AGBL1: variants seen among roughly 807,000 people sequenced by gnomAD.
AGBL1 encodes the protein cytosolic carboxypeptidase 4.
Under a neutral mutation model 118.9 loss-of-function variants are expected in AGBL1, and 130 were observed. That is an observed-to-expected ratio of 1.09 (90% CI 0.95 to 1.26). The LOEUF is 1.26. Among genes scored for constraint, AGBL1 ranks in the 50% most tolerant of loss-of-function variants. AGBL1 has a pLI of 0.00. For missense variants in AGBL1, 1,584 were observed against 1,298.1 expected, an observed-to-expected ratio of 1.22 and a Z score of -3.38; for synonymous variants, 555 against 478.9, an observed-to-expected ratio of 1.16 and a Z score of -2.08.
At chr15:86,988,124 G>A (rs754093327) in intron 24 of AGBL1, 74 of 1,603,476 alleles carry the variant, frequency 4.6e-5, no homozygotes, top group Non-Finnish European at 6.1e-5. Flanking sequence ...ACATTGCTTG[G>A]GGCGGGGATT....
chr15:86,794,876 T>C lies in AGBL1; in HGVS notation c.3159-112211T>C, dbSNP rs1169838461. Among the ~76,000 whole-genome samples the C allele has an allele frequency of 2.6e-5, 4 of 152,356 alleles. No individual in the cohort carries two copies. In the South Asian group the frequency reaches 8.3e-4, roughly 32 times the overall value. On this transcript the variant is annotated intron_variant, in intron 22 of 22. Transcript: ENST00000614907. ...GGAACTGCTAGTTTTATATTTTTTC[T>C]AGTTATGTTGAGAAAGTCCCAAAGT...
At chr15:86,283,637 C>A (rs997803727) in intron 16 of AGBL1, among the ~76,000 whole-genome samples, 6 of 152,152 alleles carry the variant, frequency 3.9e-5, no homozygotes, top group African/African-American at 1.4e-4. Flanking sequence ...TGTTGACTTA[C>A]ATGTGGCATA....
intron 17 of AGBL1, among the ~76,000 whole-genome samples, chr15:86,351,995 T>G (rs2141902407): frequency 6.6e-6 from 1 of 152,318 alleles, no homozygotes; most frequent in Middle Eastern, 3.4e-3. Flanking sequence ...TTCTACCTCC[T>G]TCCTGTGAGA....
chr15:86,954,964 A>T (rs2080915373), intron 23 of AGBL1, among the ~76,000 whole-genome samples: 1 of 152,156 alleles, frequency 6.6e-6, no homozygotes, highest in South Asian at 2.1e-4. Flanking sequence ...TTACTTATAT[A>T]TCTTTAACTT....
At chr15:86,647,686 GCAA>G (rs1237804790) in intron 21 of AGBL1, among the ~76,000 whole-genome samples, 39 of 152,258 alleles carry the variant, frequency 2.6e-4, no homozygotes, top group African/African-American at 9.1e-4. Flanking sequence ...GGGTGACAGA[GCAA>G]GACTCTGTCT....
chr15:86,236,791 G>T (rs925983176), intron 6 of AGBL1, among the ~76,000 whole-genome samples: 15 of 151,984 alleles, frequency 9.9e-5, no homozygotes, highest in Non-Finnish European at 2.1e-4. Context: ...GGGGGTATCT[G>T]ATTTGCATAG....
intron 23 of AGBL1, among the ~76,000 whole-genome samples, chr15:86,922,397 TCTC>T (rs1281596400): frequency 6.6e-6 from 1 of 152,184 alleles, no homozygotes; most frequent in East Asian, 1.9e-4. Context: ...TTCAAGAAAT[TCTC>T]CTCTCTCAGC....
chr15:86,885,819 T>C (rs993610945), intron 22 of AGBL1, among the ~76,000 whole-genome samples: 2 of 152,190 alleles, frequency 1.3e-5, no homozygotes, highest in African/African-American at 4.8e-5. Flanking sequence ...CAACTGAGAC[T>C]GAAATTCATT....
intron 22 of AGBL1, among the ~76,000 whole-genome samples, chr15:86,686,266 G>T (rs2086054655): frequency 6.6e-6 from 1 of 152,042 alleles, no homozygotes; most frequent in Non-Finnish European, 1.5e-5. Flanking sequence ...TATCAGTGAA[G>T]TGCTGAGGAC....
intron 19 of AGBL1, among the ~76,000 whole-genome samples, chr15:86,533,200 A>C (rs1484882552): frequency 3.2e-5 from 2 of 62,064 alleles, no homozygotes; most frequent in Admixed American, 2.4e-4. Flanking sequence ...GAAAATTTTC[A>C]CAACCTACTC....
At chr15:86,697,378 A>C (rs895573079) in intron 22 of AGBL1, among the ~76,000 whole-genome samples, 2 of 151,494 alleles carry the variant, frequency 1.3e-5, no homozygotes, top group African/African-American at 4.8e-5. Flanking sequence ...TGCTTGTTCG[A>C]TTCTATTGCT....
At chr15:86,858,510 G>T (rs1461689430) in intron 22 of AGBL1, among the ~76,000 whole-genome samples, 3 of 151,134 alleles carry the variant, frequency 2.0e-5, no homozygotes, top group Non-Finnish European at 4.4e-5. Flanking sequence ...GGGAGCAGGA[G>T]ACTGGTAACT....
chr15:86,587,553 G>A (rs1488891366), intron 21 of AGBL1, among the ~76,000 whole-genome samples: 1 of 152,180 alleles, frequency 6.6e-6, no homozygotes, highest in African/African-American at 2.4e-5. Flanking sequence ...GTTCGTGGAA[G>A]AAGGAGCAGT....
At chr15:86,818,314 G>C (rs1259734733) in intron 22 of AGBL1, among the ~76,000 whole-genome samples, 5 of 152,204 alleles carry the variant, frequency 3.3e-5, no homozygotes, top group Non-Finnish European at 7.3e-5. Flanking sequence ...GAGGTGAGCA[G>C]TGGGCCAGTG....
chr15:86,667,242 G>C (rs148072279), intron 21 of AGBL1, among the ~76,000 whole-genome samples: 3,017 of 112,972 alleles, frequency 0.027, 55 homozygotes, highest in East Asian at 0.11. Context: ...ATGTATGTAT[G>C]TATGTATGTA....
intron 22 of AGBL1, among the ~76,000 whole-genome samples, chr15:86,855,109 T>C (rs1221393101): frequency 6.6e-6 from 1 of 152,230 alleles, no homozygotes; most frequent in Non-Finnish European, 1.5e-5. Flanking sequence ...CTGTTGTTAC[T>C]GCATCATTTT....
At chr15:86,800,168 G>A (rs1245515421) in intron 22 of AGBL1, among the ~76,000 whole-genome samples, 1 of 151,910 alleles carries the variant, frequency 6.6e-6, no homozygotes, top group Non-Finnish European at 1.5e-5. Context: ...TCATTTGATA[G>A]GATATTATTT....
intron 18 of AGBL1, among the ~76,000 whole-genome samples, chr15:86,472,919 C>CA (rs1360483881): frequency 1.3e-5 from 2 of 151,774 alleles, no homozygotes; most frequent in African/African-American, 4.8e-5. Context: ...ATTTCCATCT[C>CA]AAAAAACAAA....
rs946297996 is a variant in AGBL1, at chr15:86,256,880, C to T, written c.763C>T (p.Pro255Ser). ...QNCLDDKSME[P>S]VISVVLQILR... is the part of the protein sequence containing the mutation. Reference sequence around the variant, plus strand: ...CTGCCTGGATGACAAGAGCATGGAGCCCGTCATCTCTGTGGTGCTTCAGAT... The same window carrying T: ...CTGCCTGGATGACAAGAGCATGGAGTCCGTCATCTCTGTGGTGCTTCAGAT... Residue 255 changes from proline (P) to serine (S), a missense_variant, in exon 8 of 23, where the codon CCC becomes TCC. Pro to Ser is a moderately conservative substitution (Grantham distance 74). Transcript: ENST00000614907. The T allele has an allele frequency of 6.2e-7, 1 of 1,613,846 alleles. No individual in the cohort carries two copies. Among genetic ancestry groups the T allele is most frequent in the Non-Finnish European group, 8.5e-7 (1 of 1,179,866 alleles).
Sources: allele counts gnomAD v4.1 joint callset (sites outside exome capture counted in the v4.1 genomes callset), GRCh38; gene constraint gnomAD v4.1.1; transcripts MANE v1.5; gene names NCBI Gene and HGNC (gene_info 2026-07-23, HGNC 2026-07-21).